Variants in GRB10 observed in about 807,000 individuals in gnomAD.
The protein encoded by GRB10 is growth factor receptor bound protein 10, also known as growth factor receptor-bound protein 10.
GRB10 carries 20 observed loss-of-function variants against 80.9 expected under a neutral mutation model. The observed-to-expected ratio is 0.25, with a 90% CI of 0.17 to 0.36. GRB10 has a LOEUF of 0.36. Ranked by LOEUF, GRB10 falls within the 10% of genes least tolerant of loss-of-function variation. The pLI, the probability that GRB10 is intolerant of heterozygous loss-of-function variation, is 1.00. For synonymous variants in GRB10, 291 were observed against 291.5 expected (o/e 1.00, Z 0.02); for missense variants, 548 against 747.7 (o/e 0.73, Z 3.12).
chr7:50,655,190 C>G (rs140516192), intron 7 of GRB10, among the ~76,000 whole-genome samples: 1 of 152,288 alleles, frequency 6.6e-6, no homozygotes, highest in East Asian at 1.9e-4. Context: ...GATGCTGTGT[C>G]CCCCTGGGTG....
intron 1 of GRB10, among the ~76,000 whole-genome samples, chr7:50,788,398 C>T (rs1342777443): frequency 6.6e-6 from 1 of 152,106 alleles, no homozygotes; most frequent in Non-Finnish European, 1.5e-5. Context: ...AGCGGGTCTT[C>T]AGCTATCCCT....
chr7:50,792,773 G>A (rs1242278092), intron 1 of GRB10: 1 of 210,998 alleles, frequency 4.7e-6, no homozygotes, highest in Non-Finnish European at 9.3e-6. Context: ...CGGAGCACCC[G>A]GGGCTGCAGG....
intron 7 of GRB10, among the ~76,000 whole-genome samples, chr7:50,665,275 G>A (rs1362231142): frequency 6.6e-6 from 1 of 152,220 alleles, no homozygotes; most frequent in Non-Finnish European, 1.5e-5. Flanking sequence ...AAGCCATAGA[G>A]TACAACCTCA....
intron 7 of GRB10, among the ~76,000 whole-genome samples, chr7:50,648,976 C>A (rs1038787479): frequency 2.0e-5 from 3 of 152,078 alleles, no homozygotes; most frequent in Non-Finnish European, 4.4e-5. Flanking sequence ...TGAGTGGCCA[C>A]GGGACTTGGG....
intron 5 of GRB10, among the ~76,000 whole-genome samples, chr7:50,681,383 C>T (rs536661909): frequency 2.0e-5 from 3 of 152,348 alleles, no homozygotes; most frequent in Non-Finnish European, 4.4e-5. Flanking sequence ...GTCTTCCGGC[C>T]TCCTCTTAGT....
At chr7:50,627,842 C>T (rs1040968365) in intron 7 of GRB10, among the ~76,000 whole-genome samples, 10 of 152,226 alleles carry the variant, frequency 6.6e-5, no homozygotes, top group East Asian at 5.8e-4. Context: ...AGCGTGTTTC[C>T]GTCTCTCCCC....
rs1450043899 is a variant in GRB10, at chr7:50,593,108, C to G, written c.1639-10G>C. On this transcript the variant is annotated splice_polypyrimidine_tract_variant and intron_variant, in intron 18 of 18. Coordinates refer to ENST00000401949, the MANE Select transcript of GRB10 (RefSeq NM_001350814.2). ...GCCCGTCGTCCTCGCACTGGAGAGA[C>G]ACAAGAACACTTGCCAGGTTAGAGG... 2 of 1,613,986 alleles carry G rather than the reference C, an allele frequency of 1.2e-6. No homozygotes were observed. The highest frequency in any genetic ancestry group is 1.7e-6 in the Non-Finnish European group (2 of 1,180,034).
At chr7:50,597,669 G>C (rs929122015) in intron 17 of GRB10, among the ~76,000 whole-genome samples, 24 of 152,232 alleles carry the variant, frequency 1.6e-4, no homozygotes, top group African/African-American at 5.3e-4. Flanking sequence ...GCTCACCCTG[G>C]GAAGTCCCAA....
At chr7:50,722,671 G>T (rs10265077) in intron 4 of GRB10, among the ~76,000 whole-genome samples, 23,182 of 151,968 alleles carry the variant, frequency 0.15, 2,370 homozygotes, top group East Asian at 0.36. Context: ...GGACTATGGG[G>T]GAGAATGCCA....
In GRB10 at chr7:50,679,443, A is replaced by G. The variant is rs2061321066; in HGVS notation, c.140-4785T>C. On this transcript the variant is annotated intron_variant, in intron 5 of 18. Transcript: ENST00000401949. Reference sequence around the variant, plus strand: ...TTCACCAATACATTTCTTAGTTTACAGCACCATCTAGTGTCTTCTTTACAT... The same window carrying G: ...TTCACCAATACATTTCTTAGTTTACGGCACCATCTAGTGTCTTCTTTACAT... 2.0e-5 allele frequency among the ~76,000 whole-genome samples: 3 copies of G among 152,232 alleles called. No individual in the cohort carries two copies. The South Asian group carries it at 6.2e-4, about 32-fold the overall frequency.
intron 10 of GRB10, among the ~76,000 whole-genome samples, chr7:50,617,702 G>A (rs925558544): frequency 6.6e-6 from 1 of 152,074 alleles, no homozygotes; most frequent in Non-Finnish European, 1.5e-5. Context: ...GCAGCTAGGC[G>A]GTGGCCTGAC....
At chr7:50,622,563 C>T (rs1207884581) in intron 8 of GRB10, among the ~76,000 whole-genome samples, 2 of 152,064 alleles carry the variant, frequency 1.3e-5, no homozygotes, top group Non-Finnish European at 2.9e-5. Context: ...ACCCTCTTCT[C>T]TTTACTGTGT....
At chr7:50,700,716 T>C (rs1239152550) in intron 5 of GRB10, among the ~76,000 whole-genome samples, 1 of 152,232 alleles carries the variant, frequency 6.6e-6, no homozygotes, top group African/African-American at 2.4e-5. Flanking sequence ...CTCTAACTCA[T>C]AAGTAAAATA....
chr7:50,627,318 G>T (rs2053088300), intron 7 of GRB10, among the ~76,000 whole-genome samples: 1 of 152,142 alleles, frequency 6.6e-6, no homozygotes, highest in Non-Finnish European at 1.5e-5. Flanking sequence ...TACGCTGGTG[G>T]TCTCCAGGTT....
chr7:50,710,760 G>T, intron 4 of GRB10: 1 of 1,153,368 alleles, frequency 8.7e-7, no homozygotes. Flanking sequence ...ACACCTTCCT[G>T]AGGCAGAACG....
chr7:50,769,416 T>C (rs1248101054), intron 2 of GRB10, among the ~76,000 whole-genome samples: 2 of 152,118 alleles, frequency 1.3e-5, no homozygotes, highest in Non-Finnish European at 1.5e-5. Context: ...CTGTCCTTCA[T>C]ATCCACCAAA....
At chr7:50,788,873 C>T (rs968906300) in intron 1 of GRB10, among the ~76,000 whole-genome samples, 2 of 152,196 alleles carry the variant, frequency 1.3e-5, no homozygotes, top group African/African-American at 4.8e-5. Flanking sequence ...AAGACAAATG[C>T]CACAGGCTCC....
intron 2 of GRB10, among the ~76,000 whole-genome samples, chr7:50,777,762 G>T (rs1048726554): frequency 5.9e-5 from 9 of 152,164 alleles, no homozygotes; most frequent in African/African-American, 1.9e-4. Context: ...CATGTCCTTT[G>T]CAGGGACATG....
At chr7:50,738,380 A>C (rs970616506) in intron 3 of GRB10, among the ~76,000 whole-genome samples, 2 of 152,240 alleles carry the variant, frequency 1.3e-5, no homozygotes, top group Non-Finnish European at 2.9e-5. Flanking sequence ...GAAGCAACCT[A>C]AGTGTCCACT....
Sources: allele counts gnomAD v4.1 joint callset (sites outside exome capture counted in the v4.1 genomes callset), GRCh38; gene constraint gnomAD v4.1.1; transcripts MANE v1.5; gene names NCBI Gene and HGNC (gene_info 2026-07-23, HGNC 2026-07-21).